CSGALNACT1: variants seen among roughly 807,000 people sequenced by gnomAD.
The protein encoded by CSGALNACT1 is beta4GalNAcT-1.
Under a neutral mutation model 51.0 loss-of-function variants are expected in CSGALNACT1, and 52 were observed. The ratio of observed to expected loss-of-function variants is 1.02; its 90% CI spans 0.82 to 1.29. The LOEUF is 1.29. CSGALNACT1 is among the 50% of genes most tolerant of loss of function. The pLI, the probability that CSGALNACT1 is intolerant of heterozygous loss-of-function variation, is 0.00. For missense variants in CSGALNACT1, 935 were observed against 679.2 expected (o/e 1.38, Z -4.19); for synonymous variants, 341 against 254.4 (o/e 1.34, Z -3.24).
At chr8:19,660,486 G>T (rs57269837) in intron 1 of CSGALNACT1, among the ~76,000 whole-genome samples, 64,467 of 151,942 alleles carry the variant, frequency 0.42, 14,175 homozygotes, top group Middle Eastern at 0.52. Context: ...GCCTCTAGAA[G>T]ATTATCATCT....
chr8:19,608,648 C>G (rs1448177273), intron 1 of CSGALNACT1, among the ~76,000 whole-genome samples: 1 of 152,202 alleles, frequency 6.6e-6, no homozygotes, highest in African/African-American at 2.4e-5. Flanking sequence ...GCCCAGAACA[C>G]AAGTTTGAGA....
intron 4 of CSGALNACT1, among the ~76,000 whole-genome samples, chr8:19,472,694 C>A (rs914583500): frequency 6.6e-6 from 1 of 152,150 alleles, no homozygotes; most frequent in Non-Finnish European, 1.5e-5. Context: ...CTTTTCTGTT[C>A]TTCCTTTCTT....
At chr8:19,740,835 T>C (rs941471337) in intron 1 of CSGALNACT1, among the ~76,000 whole-genome samples, 57 of 152,338 alleles carry the variant, frequency 3.7e-4, no homozygotes, top group African/African-American at 1.4e-3. Context: ...AGGAATGTTC[T>C]AGATGCTTAT....
chr8:19,452,711 T>G (rs13273668), intron 5 of CSGALNACT1, among the ~76,000 whole-genome samples: 1 of 151,970 alleles, frequency 6.6e-6, no homozygotes, highest in African/African-American at 2.4e-5. Context: ...GTCCCAGGCC[T>G]CAACCCTTAC....
intron 4 of CSGALNACT1, among the ~76,000 whole-genome samples, chr8:19,468,260 G>A (rs1467949274): frequency 6.6e-6 from 1 of 152,152 alleles, no homozygotes; most frequent in Non-Finnish European, 1.5e-5. Flanking sequence ...AGATAATCGT[G>A]GAAGCAAAGG....
chr8:19,506,269 G>A (rs1016871542), intron 3 of CSGALNACT1, 139 bp from the exon 3 acceptor site: 2 of 366,210 alleles, frequency 5.5e-6, no homozygotes, highest in Middle Eastern at 9.7e-4. Flanking sequence ...ATTGTTAAAT[G>A]TGTATAAATC....
intron 2 of CSGALNACT1, among the ~76,000 whole-genome samples, chr8:19,598,995 C>T (rs2049610666): frequency 6.6e-6 from 1 of 152,108 alleles, no homozygotes; most frequent in African/African-American, 2.4e-5. Flanking sequence ...GCTCCCTGGT[C>T]AGTGATGAGA....
At chr8:19,455,705 G>A (rs975680891) in intron 5 of CSGALNACT1, among the ~76,000 whole-genome samples, 10 of 152,162 alleles carry the variant, frequency 6.6e-5, no homozygotes, top group Non-Finnish European at 1.5e-4. Context: ...TGCCTTGACT[G>A]TGACATAAAC....
chr8:19,443,788 C>T (rs1367500995), intron 5 of CSGALNACT1, among the ~76,000 whole-genome samples: 1 of 152,074 alleles, frequency 6.6e-6, no homozygotes, highest in Non-Finnish European at 1.5e-5. Context: ...CTGGGGATAC[C>T]AAAATCCAGA....
At chr8:19,612,173 T>C (rs2052352691) in intron 1 of CSGALNACT1, among the ~76,000 whole-genome samples, 1 of 152,018 alleles carries the variant, frequency 6.6e-6, no homozygotes, top group African/African-American at 2.4e-5. Flanking sequence ...CAAAATCCTG[T>C]CTCTACTAAA....
chr8:19,619,672 C>G (rs916485693), intron 1 of CSGALNACT1, among the ~76,000 whole-genome samples: 2 of 152,168 alleles, frequency 1.3e-5, no homozygotes, highest in African/African-American at 2.4e-5. Context: ...CAAAATTTAA[C>G]TTTCTTCTTG....
chr8:19,511,394 C>A (rs2078441073), intron 3 of CSGALNACT1, among the ~76,000 whole-genome samples: 1 of 152,164 alleles, frequency 6.6e-6, no homozygotes, highest in Non-Finnish European at 1.5e-5. Flanking sequence ...AACCTTCAAT[C>A]AAAGGATTAG....
At chr8:19,432,159 AT>A (rs1416688279) in intron 6 of CSGALNACT1, among the ~76,000 whole-genome samples, 3 of 152,140 alleles carry the variant, frequency 2.0e-5, no homozygotes, top group Non-Finnish European at 4.4e-5. Flanking sequence ...TTTATTAGTG[AT>A]GAAGTCTCTT....
chr8:19,627,822 C>T (rs1411744821), intron 1 of CSGALNACT1, among the ~76,000 whole-genome samples: 1 of 152,028 alleles, frequency 6.6e-6, no homozygotes, highest in African/African-American at 2.4e-5. Flanking sequence ...GCAAGACCTC[C>T]TACCTTTAAA....
chr8:19,663,438 A>G (rs1564375703), intron 1 of CSGALNACT1, among the ~76,000 whole-genome samples: 1 of 152,240 alleles, frequency 6.6e-6, no homozygotes, highest in South Asian at 2.1e-4. Context: ...AGCAAATTTT[A>G]AGTTTAAAGC....
chr8:19,477,932 G>T (rs746249234), intron 4 of CSGALNACT1, among the ~76,000 whole-genome samples: 2 of 152,196 alleles, frequency 1.3e-5, no homozygotes, highest in African/African-American at 2.4e-5. Context: ...GCGCCAGTTA[G>T]ACAGTCAAAT....
At chr8:19,697,711 T>C (rs6586858) in intron 1 of CSGALNACT1, among the ~76,000 whole-genome samples, 47,008 of 151,736 alleles carry the variant, frequency 0.31, 7,481 homozygotes, top group Middle Eastern at 0.43. Context: ...TCAGAGGCAA[T>C]GAGTCCACTG....
chr8:19,496,015 G>C (rs376163413), intron 4 of CSGALNACT1, among the ~76,000 whole-genome samples: 16 of 152,192 alleles, frequency 1.1e-4, no homozygotes, highest in African/African-American at 2.9e-4. Flanking sequence ...AAGGAAGAAA[G>C]TTCGGAAAAT....
rs555684584 is a variant in CSGALNACT1, at chr8:19,521,904, T to C, written c.-296-15774A>G. ...CACAGGCAAGCATCTGCTCTACCAA[T>C]CCCTGCGTCGTGGTAAGACTTCATG... On this transcript the variant is annotated intron_variant, in intron 3 of 9. Coordinates refer to ENST00000454498, the Ensembl canonical transcript of CSGALNACT1. Among the ~76,000 whole-genome samples, 3 of 152,358 alleles carry C rather than the reference T, an allele frequency of 2.0e-5. No individual in the cohort carries two copies. The South Asian group carries it at 6.2e-4, about 32-fold the overall frequency.
Sources: allele counts gnomAD v4.1 joint callset (sites outside exome capture counted in the v4.1 genomes callset), GRCh38; gene constraint gnomAD v4.1.1; transcripts MANE v1.5; gene names NCBI Gene and HGNC (gene_info 2026-07-23, HGNC 2026-07-21).